Variants in NOL4 observed in about 807,000 individuals in gnomAD.
The protein encoded by NOL4 is nucleolar protein 4.
In NOL4, 17 loss-of-function variants were observed where a neutral mutation model predicts 75.9. The observed-to-expected ratio is 0.22, with a 90% CI of 0.15 to 0.34. The LOEUF is 0.34. Among genes scored for constraint, NOL4 ranks in the 10% least tolerant of loss-of-function variants. NOL4 has a pLI of 1.00. For missense variants in NOL4, 614 were observed against 793.5 expected (o/e 0.77, Z 2.72); for synonymous variants, 292 against 289.9 (o/e 1.01, Z -0.07).
intron 1 of NOL4, among the ~76,000 whole-genome samples, chr18:34,164,400 A>G (rs1013888844): frequency 1.3e-5 from 2 of 152,324 alleles, no homozygotes; most frequent in South Asian, 2.1e-4. Context: ...TACAAGAAAA[A>G]AAACAAACAA....
At chr18:33,866,881 T>G (rs1457176017) in intron 10 of NOL4, among the ~76,000 whole-genome samples, 2 of 152,140 alleles carry the variant, frequency 1.3e-5, no homozygotes, top group Non-Finnish European at 1.5e-5. Context: ...TGTATACATT[T>G]TCAAATAACA....
At chr18:34,061,960 T>A (rs569894516) in intron 5 of NOL4, among the ~76,000 whole-genome samples, 1 of 152,154 alleles carries the variant, frequency 6.6e-6, no homozygotes, top group African/African-American at 2.4e-5. Flanking sequence ...CCAAAGGAAA[T>A]AACTGTGTAT....
intron 6 of NOL4, among the ~76,000 whole-genome samples, chr18:33,996,370 A>G (rs899206454): frequency 6.6e-6 from 1 of 151,626 alleles, no homozygotes; most frequent in Admixed American, 6.6e-5. Flanking sequence ...ATTTGTAATG[A>G]ACAATGCAAA....
intron 9 of NOL4, among the ~76,000 whole-genome samples, chr18:33,930,937 G>A (rs1249236492): frequency 6.6e-6 from 1 of 152,102 alleles, no homozygotes; most frequent in Non-Finnish European, 1.5e-5. Flanking sequence ...TGATGATATT[G>A]CCATTGATAC....
At chr18:33,976,998 T>C (rs2071542996) in intron 6 of NOL4, among the ~76,000 whole-genome samples, 1 of 152,140 alleles carries the variant, frequency 6.6e-6, no homozygotes, top group Non-Finnish European at 1.5e-5. Flanking sequence ...AATAGTTTTG[T>C]TTCATTTGTC....
chr18:34,006,005 T>G (rs1041418916), intron 6 of NOL4, among the ~76,000 whole-genome samples: 1 of 152,116 alleles, frequency 6.6e-6, no homozygotes, highest in Non-Finnish European at 1.5e-5. Context: ...TTTCCTACTT[T>G]GTGTTTTCAC....
chr18:34,074,833 T>C (rs898743982), intron 5 of NOL4, among the ~76,000 whole-genome samples: 3 of 152,132 alleles, frequency 2.0e-5, no homozygotes, highest in Non-Finnish European at 4.4e-5. Flanking sequence ...CTTCCTCTCA[T>C]ATGTAGGGTT....
intron 4 of NOL4, among the ~76,000 whole-genome samples, chr18:34,103,402 C>A (rs901114294): frequency 1.3e-5 from 2 of 151,954 alleles, no homozygotes; most frequent in African/African-American, 4.8e-5. Context: ...AACTAGAATC[C>A]TACAGAGTAT....
intron 9 of NOL4, among the ~76,000 whole-genome samples, chr18:33,887,734 A>C (rs1482667398): frequency 6.6e-6 from 1 of 152,046 alleles, no homozygotes; most frequent in Non-Finnish European, 1.5e-5. Flanking sequence ...CCATGTCCCT[A>C]CAAAGGACAT....
intron 2 of NOL4, among the ~76,000 whole-genome samples, chr18:34,106,714 A>T (rs2079301121): frequency 6.6e-6 from 1 of 151,790 alleles, no homozygotes; most frequent in South Asian, 2.1e-4. Context: ...CCCTATAAAC[A>T]CACACAGCAT....
At chr18:34,186,334 T>C (rs1401132249) in intron 1 of NOL4, among the ~76,000 whole-genome samples, 1 of 152,074 alleles carries the variant, frequency 6.6e-6, no homozygotes, top group African/African-American at 2.4e-5. Flanking sequence ...AAGTTTAAAC[T>C]TCTTATTTTA....
chr18:34,033,700 A>T lies in NOL4; in HGVS notation c.773-14099T>A, dbSNP rs555055119. Among the ~76,000 whole-genome samples the T allele has an allele frequency of 4.6e-5, 7 of 152,280 alleles. No homozygotes were observed. In the South Asian group the frequency reaches 1.5e-3, roughly 32 times the overall value. On this transcript the variant is annotated intron_variant, in intron 5 of 10. Transcript: ENST00000261592. ...ACATTCAGATATAGGAGGTTCTGAG[A>T]TCCCCAAACAGATAAAATGCAACAA...
At chr18:34,082,342 T>TA (rs2078047057) in intron 5 of NOL4, among the ~76,000 whole-genome samples, 1 of 151,866 alleles carries the variant, frequency 6.6e-6, no homozygotes, top group Non-Finnish European at 1.5e-5. Flanking sequence ...TAAATTAGCC[T>TA]CCGTGTCCTC....
chr18:34,069,879 A>C (rs1421202444), intron 5 of NOL4, among the ~76,000 whole-genome samples: 1 of 152,208 alleles, frequency 6.6e-6, no homozygotes, highest in East Asian at 1.9e-4. Flanking sequence ...CAGATCTCCT[A>C]ATTTTAGTCC....
intron 9 of NOL4, among the ~76,000 whole-genome samples, chr18:33,917,500 A>C (rs2066793280): frequency 6.6e-6 from 1 of 152,090 alleles, no homozygotes; most frequent in Non-Finnish European, 1.5e-5. Flanking sequence ...ATTTTAATTA[A>C]TTAATTAATG....
rs150869804 is a variant in NOL4 at position 33,962,753 on chromosome 18, TA to T, written c.1057-4336del. 7.6e-3 allele frequency among the ~76,000 whole-genome samples: 1,157 copies of T among 152,320 alleles called. 11 individuals are homozygous for T. The highest frequency in any genetic ancestry group is 0.012 in the Admixed American group (187 of 15,288). ...AATCTAAAATGTAATAAGCATAATATATTTTGAATGGCAATGTGAAATATTT... is the reference window on the plus strand; with the variant it reads ...AATCTAAAATGTAATAAGCATAATATTTTTGAATGGCAATGTGAAATATTT... On this transcript the variant is annotated intron_variant, in intron 6 of 10. Coordinates refer to ENST00000261592, the MANE Select transcript of NOL4 (RefSeq NM_003787.5).
intron 5 of NOL4, among the ~76,000 whole-genome samples, chr18:34,050,485 G>A (rs918114629): frequency 6.6e-6 from 1 of 151,958 alleles, no homozygotes; most frequent in Admixed American, 6.6e-5. Context: ...CCTGGACATC[G>A]ATCATATTAT....
chr18:34,002,376 C>G (rs1232483210), intron 6 of NOL4, among the ~76,000 whole-genome samples: 1 of 151,994 alleles, frequency 6.6e-6, no homozygotes, highest in African/African-American at 2.4e-5. Flanking sequence ...AGACCTTTAG[C>G]TTAGAATGCA....
In NOL4 at chr18:33,888,599, T is replaced by A. The variant is rs1218989927; in HGVS notation, c.1543-5175A>T. Among the ~76,000 whole-genome samples, 6 of 151,954 alleles carry A rather than the reference T, an allele frequency of 3.9e-5. No homozygotes were observed. In the East Asian group the frequency reaches 9.7e-4, roughly 25 times the overall value. On this transcript the variant is annotated intron_variant, in intron 9 of 10. Transcript: ENST00000261592. The stretch of plus-strand genomic sequence containing the variant: ...TTTCCTTGAGTTAATTATTGTATAC[T>A]GTGTAAGGAAGGGATCCAGTTTCAG...
Sources: allele counts gnomAD v4.1 joint callset (sites outside exome capture counted in the v4.1 genomes callset), GRCh38; gene constraint gnomAD v4.1.1; transcripts MANE v1.5; gene names NCBI Gene and HGNC (gene_info 2026-07-23, HGNC 2026-07-21).